Variants in TXN2 observed in about 807,000 individuals in gnomAD.
The protein encoded by TXN2 is thioredoxin 2, also known as thioredoxin, mitochondrial.
A neutral mutation model predicts 14.6 loss-of-function variants in TXN2; 12 were observed. That is an observed-to-expected ratio of 0.82 (90% CI 0.53 to 1.33). The LOEUF is 1.33. Among genes scored for constraint, TXN2 ranks in the 40% most tolerant of loss-of-function variants. The pLI, the probability that TXN2 is intolerant of heterozygous loss-of-function variation, is 0.00. For synonymous variants in TXN2, 89 were observed against 81.0 expected (o/e 1.10, Z -0.53); for missense variants, 173 against 207.7 (o/e 0.83, Z 1.03).
chr22:36,477,256 G>A (rs1933405175), intron 2 of TXN2, among the ~76,000 whole-genome samples: 1 of 152,142 alleles, frequency 6.6e-6, no homozygotes. Flanking sequence ...CCCCCAGGCT[G>A]GAGTGCAGTG....
chr22:36,481,579 G>A lies in TXN2; in HGVS notation c.-16C>T. The stretch of plus-strand genomic sequence containing the variant: ...GGGCTCCTACCTCCCTGCAATGCGA[G>A]CGGAGGGATGCACAGCCTAGCCCTC... On this transcript the variant is annotated 5_prime_UTR_variant, in exon 1 of 4. Coordinates refer to ENST00000216185, the MANE Select transcript of TXN2 (RefSeq NM_012473.4). The A allele has an allele frequency of 1.0e-6, 1 of 1,000,282 alleles. No individual in the cohort carries two copies. Among genetic ancestry groups the A allele is most frequent in the Non-Finnish European group, 1.2e-6 (1 of 829,980 alleles). The allele number at this position is 1,000,282 out of a possible 1,614,324, so 62.0% of individuals were successfully genotyped here. A position where few individuals can be genotyped will look rare whatever the true frequency, so the allele number is the denominator to read the frequency against.
chr22:36,480,011 G>A (rs1933466757), intron 2 of TXN2, among the ~76,000 whole-genome samples: 1 of 151,756 alleles, frequency 6.6e-6, no homozygotes, highest in African/African-American at 2.4e-5. Flanking sequence ...AGCCTCCCGA[G>A]TAGCTGGGAT....
At chr22:36,481,058 C>A in intron 1 of TXN2, 1 of 472,538 alleles carries the variant, frequency 2.1e-6, no homozygotes, top group Non-Finnish European at 3.7e-6. Context: ...GCTTCACAAC[C>A]AAAAAGAAAT....
At chr22:36,477,911 C>T (rs1486970918) in intron 2 of TXN2, among the ~76,000 whole-genome samples, 1 of 151,956 alleles carries the variant, frequency 6.6e-6, no homozygotes, top group Non-Finnish European at 1.5e-5. Flanking sequence ...CCGAGGCAGG[C>T]GGATCACCTG....
intron 3 of TXN2, among the ~76,000 whole-genome samples, chr22:36,473,933 G>A (rs993533051): frequency 6.6e-6 from 1 of 152,226 alleles, no homozygotes; most frequent in Non-Finnish European, 1.5e-5. Flanking sequence ...AGTTACCATA[G>A]TCCCTGCACA....
chr22:36,476,442 A>T (rs1416816615), intron 3 of TXN2, among the ~76,000 whole-genome samples: 1 of 152,116 alleles, frequency 6.6e-6, no homozygotes, highest in Non-Finnish European at 1.5e-5. Flanking sequence ...AATACAAAAA[A>T]TTAGCTGGGC....
intron 2 of TXN2, among the ~76,000 whole-genome samples, chr22:36,479,238 C>T (rs1024336134): frequency 1.3e-5 from 2 of 152,166 alleles, no homozygotes; most frequent in African/African-American, 2.4e-5. Flanking sequence ...TATCAAGTGG[C>T]CTGCCCAAGG....
At chr22:36,470,585 G>A (rs866173563) in intron 3 of TXN2, among the ~76,000 whole-genome samples, 4 of 151,888 alleles carry the variant, frequency 2.6e-5, no homozygotes, top group African/African-American at 4.8e-5. Context: ...CTTTTTTCAC[G>A]GCAAGACTCT....
In TXN2 at chr22:36,474,051, C is replaced by T. The variant is rs9619606; in HGVS notation, c.387+2682G>A. ...AGGCCTGAGACATCTGAAGCCCACG[C>T]GTGACCTGTGGGAGGCCCTAGGAGC... On this transcript the variant is annotated intron_variant, in intron 3 of 3. Transcript: ENST00000216185. Among the ~76,000 whole-genome samples, 592 of 152,312 alleles carry T rather than the reference C, an allele frequency of 3.9e-3. 6 individuals carry two copies. The highest frequency in any genetic ancestry group is 0.013 in the African/African-American group (554 of 41,564).
chr22:36,472,352 G>GA, intron 3 of TXN2, among the ~76,000 whole-genome samples: 1 of 152,156 alleles, frequency 6.6e-6, no homozygotes, highest in Non-Finnish European at 1.5e-5. Context: ...GATGATGCTA[G>GA]AATGTGGACA....
rs761591917 is a variant in TXN2, at chr22:36,480,602, G to A, written c.236C>T (p.Thr79Ile). 6.2e-7 allele frequency: 1 copy of A among 1,614,042 alleles called. No homozygotes were observed. Among genetic ancestry groups the A allele is most frequent in the Non-Finnish European group, 8.5e-7 (1 of 1,180,018 alleles). ...TGCGTGGAAATCCACAACCACTGGT[G>A]TCTCACTGTTGACCACTCGGTCTTG... is the stretch of plus-strand genomic sequence containing the variant. ...DFQDRVVNSETPVVVDFHAQW... is the reference protein window; with the variant it reads ...DFQDRVVNSEIPVVVDFHAQW... Residue 79 changes from threonine (T) to isoleucine (I), a missense_variant, in exon 2 of 4, where the codon ACA becomes ATA. Physicochemically the swap from Thr to Ile is moderately conservative, Grantham distance 89. Transcript: ENST00000216185.
chr22:36,480,811 C>A lies in TXN2; in HGVS notation c.27G>T (p.Arg9Ser). ...TCCTGGAGATGACAGAGGCCAGGAACCTCCTCAGAAGAAGTCGCTGAGCCA... is the reference window on the plus strand; with the variant it reads ...TCCTGGAGATGACAGAGGCCAGGAAACTCCTCAGAAGAAGTCGCTGAGCCA... MAQRLLLR[R>S]FLASVISRKP... The change falls in exon 2 of 4, where the codon AGG (arginine) becomes AGT (serine). Residue 9 changes from arginine to serine, a missense_variant. By Grantham distance (110) the Arg-to-Ser change is moderately radical. Coordinates refer to ENST00000216185, the MANE Select transcript of TXN2 (RefSeq NM_012473.4). The A allele has an allele frequency of 6.3e-7, 1 of 1,599,894 alleles. No homozygotes were observed. Among genetic ancestry groups the A allele is most frequent in the Non-Finnish European group, 8.5e-7 (1 of 1,172,092 alleles).
intron 3 of TXN2, among the ~76,000 whole-genome samples, chr22:36,473,232 C>T (rs986414168): frequency 2.5e-4 from 38 of 152,176 alleles, no homozygotes; most frequent in African/African-American, 9.2e-4. Flanking sequence ...CACCTGATGT[C>T]AGGAGTTTGA....
chr22:36,472,619 C>A (rs1046545882), intron 3 of TXN2, among the ~76,000 whole-genome samples: 1 of 151,992 alleles, frequency 6.6e-6, no homozygotes, highest in African/African-American at 2.4e-5. Context: ...AACATAAAAT[C>A]CTCAAAAAGA....
intron 3 of TXN2, among the ~76,000 whole-genome samples, chr22:36,471,772 A>C (rs1183125684): frequency 1.8e-4 from 28 of 152,188 alleles, no homozygotes; most frequent in Admixed American, 1.5e-3. Flanking sequence ...AATTCGAGAC[A>C]AGGCCGGCCA....
chr22:36,479,984 A>C (rs1302464888), intron 2 of TXN2, among the ~76,000 whole-genome samples: 2 of 151,830 alleles, frequency 1.3e-5, no homozygotes, highest in Non-Finnish European at 2.9e-5. Flanking sequence ...CTTAGGTTCA[A>C]GTGATTCTCC....
intron 3 of TXN2, among the ~76,000 whole-genome samples, chr22:36,474,008 G>A (rs975585897): frequency 1.3e-5 from 2 of 152,258 alleles, no homozygotes; most frequent in African/African-American, 4.8e-5. Context: ...TGAAGCTGTA[G>A]TGTCTGGCAG....
chr22:36,476,004 A>G (rs1177072832), intron 3 of TXN2, among the ~76,000 whole-genome samples: 1 of 152,036 alleles, frequency 6.6e-6, no homozygotes, highest in Non-Finnish European at 1.5e-5. Context: ...TAGCACTTCT[A>G]TATTGAGATG....
chr22:36,473,853 C>T (rs1433179204), intron 3 of TXN2, among the ~76,000 whole-genome samples: 2 of 152,218 alleles, frequency 1.3e-5, no homozygotes, highest in African/African-American at 4.8e-5. Context: ...CTCCCGGGGA[C>T]GGTCCTCGGC....
Sources: gnomAD v4.1 joint callset for allele counts (sites outside exome capture counted in the v4.1 genomes callset) on GRCh38, gnomAD v4.1.1 for gene constraint, MANE v1.5 for transcripts, NCBI Gene and HGNC (gene_info 2026-07-23, HGNC 2026-07-21) for gene names.